The following SEMA5A variants were observed in gnomAD, a reference collection of about 807,000 sequenced individuals.
SEMA5A encodes semaphorin-5A.
In SEMA5A, 55 loss-of-function variants were observed where a neutral mutation model predicts 135.5. The observed-to-expected ratio is 0.41, with a 90% CI of 0.33 to 0.51. The LOEUF is 0.51. Among genes scored for constraint, SEMA5A ranks in the 20% least tolerant of loss-of-function variants. SEMA5A has a pLI of 0.37. For missense variants in SEMA5A, 1,290 were observed against 1,419.9 expected, an observed-to-expected ratio of 0.91 and a Z score of 1.47; for synonymous variants, 580 against 546.5, an observed-to-expected ratio of 1.06 and a Z score of -0.85.
At chr5:9,449,732 C>T (rs568545490) in intron 1 of SEMA5A, among the ~76,000 whole-genome samples, 1 of 152,196 alleles carries the variant, frequency 6.6e-6, no homozygotes, top group East Asian at 1.9e-4. Flanking sequence ...CGGGTGGTAC[C>T]TGGAGATGAC....
At chr5:9,268,282 T>C (rs1393058910) in intron 5 of SEMA5A, among the ~76,000 whole-genome samples, 1 of 152,104 alleles carries the variant, frequency 6.6e-6, no homozygotes, top group Admixed American at 6.6e-5. Context: ...TCGATAAAAA[T>C]ACAGAGACAG....
At chr5:9,053,687 C>T (rs1221278202) in intron 19 of SEMA5A, 8 of 157,294 alleles carry the variant, frequency 5.1e-5, no homozygotes, top group Non-Finnish European at 1.1e-4. Context: ...TCGTTCTTTC[C>T]CACCTTTCCT....
chr5:9,135,955 A>C (rs1251496982), intron 13 of SEMA5A, among the ~76,000 whole-genome samples: 1 of 152,212 alleles, frequency 6.6e-6, no homozygotes, highest in Non-Finnish European at 1.5e-5. Context: ...CTCTCAATAC[A>C]GGTGAGTTTC....
At chr5:9,367,792 TG>T (rs1754979076) in intron 3 of SEMA5A, among the ~76,000 whole-genome samples, 1 of 152,144 alleles carries the variant, frequency 6.6e-6, no homozygotes, top group African/African-American at 2.4e-5. Flanking sequence ...GCTTGGAGAA[TG>T]GGGGAAGATC....
At chr5:9,370,857 C>G (rs1755106912) in intron 3 of SEMA5A, among the ~76,000 whole-genome samples, 1 of 152,092 alleles carries the variant, frequency 6.6e-6, no homozygotes, top group African/African-American at 2.4e-5. Flanking sequence ...CTTTACTCAC[C>G]CCACATTTAA....
chr5:9,096,417 A>G (rs1379649336), intron 16 of SEMA5A, among the ~76,000 whole-genome samples: 1 of 152,042 alleles, frequency 6.6e-6, no homozygotes, highest in African/African-American at 2.4e-5. Flanking sequence ...TTTGTTTTTT[A>G]TATTTCACAT....
intron 11 of SEMA5A, among the ~76,000 whole-genome samples, chr5:9,175,573 CT>C (rs1277917648): frequency 6.6e-6 from 1 of 152,138 alleles, no homozygotes; most frequent in Non-Finnish European, 1.5e-5. Context: ...TGGCATCTTC[CT>C]TTTGTCCTTC....
intron 5 of SEMA5A, among the ~76,000 whole-genome samples, chr5:9,268,862 A>G (rs997530603): frequency 6.6e-6 from 1 of 152,140 alleles, no homozygotes; most frequent in African/African-American, 2.4e-5. Flanking sequence ...TTGGGGATAA[A>G]TTATTATCTG....
intron 16 of SEMA5A, among the ~76,000 whole-genome samples, chr5:9,082,923 G>A (rs1388271271): frequency 6.6e-6 from 1 of 152,036 alleles, no homozygotes; most frequent in Non-Finnish European, 1.5e-5. Context: ...AAGTTTCTAG[G>A]GGTATCATTT....
intron 16 of SEMA5A, among the ~76,000 whole-genome samples, chr5:9,098,734 G>A (rs940439803): frequency 3.9e-5 from 6 of 151,952 alleles, no homozygotes; most frequent in African/African-American, 1.2e-4. Context: ...TTTAAATTGT[G>A]GCCATTTAGT....
At chr5:9,364,879 C>G (rs1202943038) in intron 3 of SEMA5A, among the ~76,000 whole-genome samples, 2 of 152,094 alleles carry the variant, frequency 1.3e-5, no homozygotes, top group Non-Finnish European at 2.9e-5. Context: ...TATTTATTTT[C>G]TTCTTTGTAT....
chr5:9,043,366 T>TAAC (rs1736066570), intron 22 of SEMA5A: 2 of 205,648 alleles, frequency 9.7e-6, no homozygotes, highest in Non-Finnish European at 2.0e-5. Flanking sequence ...TGAATATATA[T>TAAC]AACTAAATTC....
intron 6 of SEMA5A, among the ~76,000 whole-genome samples, chr5:9,229,257 C>G (rs550508925): frequency 2.0e-5 from 3 of 152,200 alleles, no homozygotes; most frequent in Non-Finnish European, 4.4e-5. Context: ...TGCTCGTAAA[C>G]AGTAGACAGT....
At chr5:9,374,705 C>G (rs1318863835) in intron 3 of SEMA5A, among the ~76,000 whole-genome samples, 1 of 151,580 alleles carries the variant, frequency 6.6e-6, no homozygotes, top group East Asian at 1.9e-4. Context: ...AGAAGCACTT[C>G]CTTTCTAAGG....
At chr5:9,438,127 C>T (rs930383378) in intron 1 of SEMA5A, among the ~76,000 whole-genome samples, 3 of 152,144 alleles carry the variant, frequency 2.0e-5, no homozygotes, top group African/African-American at 7.2e-5. Flanking sequence ...CATAAAACAT[C>T]CAGAAGAACC....
chr5:9,321,159 T>C (rs1034159600), intron 4 of SEMA5A, among the ~76,000 whole-genome samples: 1 of 152,166 alleles, frequency 6.6e-6, no homozygotes, highest in Non-Finnish European at 1.5e-5. Context: ...CCTGCCACCA[T>C]GTGAGAAGGC....
intron 5 of SEMA5A, among the ~76,000 whole-genome samples, chr5:9,285,638 G>A (rs1413845081): frequency 6.6e-6 from 1 of 152,212 alleles, no homozygotes; most frequent in Non-Finnish European, 1.5e-5. Context: ...TCTGTTTCTA[G>A]ATGCTTGATC....
chr5:9,318,330 G>A (rs1752479412), intron 5 of SEMA5A, 42 bp downstream of exon 5: 2 of 1,571,066 alleles, frequency 1.3e-6, no homozygotes, highest in Admixed American at 1.7e-5. Flanking sequence ...TGAGTTAATT[G>A]GGATGGAAAA....
At chr5:9,503,359 G>A (rs1342160288) in intron 1 of SEMA5A, among the ~76,000 whole-genome samples, 3 of 152,168 alleles carry the variant, frequency 2.0e-5, no homozygotes, top group African/African-American at 7.2e-5. Context: ...GTAACATCTT[G>A]GATGCTCATA....
Sources: gnomAD v4.1 joint callset for allele counts (sites outside exome capture counted in the v4.1 genomes callset) on GRCh38, gnomAD v4.1.1 for gene constraint, MANE v1.5 for transcripts, NCBI Gene and HGNC (gene_info 2026-07-23, HGNC 2026-07-21) for gene names.